DDC: variants seen among roughly 807,000 people sequenced by gnomAD.
DDC encodes aromatic-L-amino-acid decarboxylase.
In DDC, 43 loss-of-function variants were observed where a neutral mutation model predicts 60.0. The ratio of observed to expected loss-of-function variants is 0.72; its 90% confidence interval spans 0.56 to 0.92. The LOEUF is 0.92. Ranked by LOEUF, DDC falls within the 40% of genes least tolerant of loss-of-function variation. The probability of loss-of-function intolerance (pLI) is 0.00; values close to 1 mark genes in which losing one functional copy is unlikely to be tolerated. For missense variants in DDC, 573 were observed against 620.2 expected, an observed-to-expected ratio of 0.92 and a Z score of 0.81; for synonymous variants, 232 against 234.6, an observed-to-expected ratio of 0.99 and a Z score of 0.10.
At chr7:50,534,769 C>A (rs1478715860) in intron 4 of DDC, among the ~76,000 whole-genome samples, 1 of 152,206 alleles carries the variant, frequency 6.6e-6, no homozygotes, top group Admixed American at 6.5e-5. Flanking sequence ...AAAACCACGC[C>A]CTCTGCAGGC....
intron 14 of DDC, among the ~76,000 whole-genome samples, chr7:50,460,217 C>T (rs76276922): frequency 0.58 from 72,459 of 123,996 alleles, 22,062 homozygotes; most frequent in Admixed American, 0.69. Context: ...GCCAGCCGCC[C>T]CGTCCGGGAG....
At chr7:50,554,548 CT>C (rs772856180) in intron 1 of DDC, among the ~76,000 whole-genome samples, 164 of 152,350 alleles carry the variant, frequency 1.1e-3, no homozygotes, top group Non-Finnish European at 1.7e-3. Flanking sequence ...TCAAACTCAT[CT>C]GTTTACAAAC....
intron 1 of DDC, among the ~76,000 whole-genome samples, chr7:50,553,116 G>A (rs527790115): frequency 2.6e-5 from 4 of 152,256 alleles, no homozygotes; most frequent in Admixed American, 6.5e-5. Context: ...GTGCATGTGA[G>A]GTAGTGGATT....
chr7:50,459,222 G>C (rs1438501350), intron 14 of DDC, among the ~76,000 whole-genome samples: 1 of 152,262 alleles, frequency 6.6e-6, no homozygotes, highest in Non-Finnish European at 1.5e-5. Flanking sequence ...GCCTCCCGAG[G>C]TGCCGGGATT....
chr7:50,503,720 C>A (rs1014920534), intron 7 of DDC, among the ~76,000 whole-genome samples: 1 of 152,196 alleles, frequency 6.6e-6, no homozygotes, highest in African/African-American at 2.4e-5. Flanking sequence ...GCCAACATAA[C>A]CTGCAATTTT....
At chr7:50,499,872 C>T (rs11575385) in intron 7 of DDC, among the ~76,000 whole-genome samples, 1,534 of 152,286 alleles carry the variant, frequency 0.01, 13 homozygotes, top group Non-Finnish European at 0.016. Context: ...TTTGACAGAT[C>T]TGGGCTCAAC....
At chr7:50,529,082 T>C in intron 5 of DDC, 126 bp downstream of exon 5, 4 of 1,261,828 alleles carry the variant, frequency 3.2e-6, no homozygotes, top group Non-Finnish European at 4.6e-6. Flanking sequence ...TTCAGGTCTC[T>C]ATTTAGTGAT....
At chr7:50,464,178 C>A (rs1163517026) in intron 13 of DDC, among the ~76,000 whole-genome samples, 2 of 152,080 alleles carry the variant, frequency 1.3e-5, no homozygotes, top group Non-Finnish European at 2.9e-5. Context: ...TGGGACACTG[C>A]ATCCTAGTCA....
At chr7:50,538,007 C>A in intron 3 of DDC, 28 bp from the exon 4 acceptor site, 1 of 1,614,118 alleles carries the variant, frequency 6.2e-7, no homozygotes, top group Non-Finnish European at 8.5e-7. Flanking sequence ...AAGGGATTAA[C>A]CGAGGGCCAG....
At chr7:50,535,225 T>C (rs1220922895) in intron 4 of DDC, among the ~76,000 whole-genome samples, 1 of 152,108 alleles carries the variant, frequency 6.6e-6, no homozygotes, top group Non-Finnish European at 1.5e-5. Flanking sequence ...GGCAAGGTCT[T>C]GGCTCACGGC....
chr7:50,489,362 A>G (rs1241545712), intron 9 of DDC, among the ~76,000 whole-genome samples: 1 of 152,220 alleles, frequency 6.6e-6, no homozygotes, highest in African/African-American at 2.4e-5. Flanking sequence ...GAAATAGAAA[A>G]CTTATAACAC....
At chr7:50,481,683 C>T (rs548106116) in intron 9 of DDC, among the ~76,000 whole-genome samples, 28 of 152,318 alleles carry the variant, frequency 1.8e-4, no homozygotes, top group African/African-American at 6.7e-4. Context: ...CTCTCCCTGT[C>T]CCACACAAGA....
chr7:50,540,094 C>T, intron 2 of DDC, 66 bp from the exon 3 acceptor site: 1 of 1,261,408 alleles, frequency 7.9e-7, no homozygotes, highest in Non-Finnish European at 1.1e-6. Flanking sequence ...AGCGGGGGAC[C>T]CAGGTACCCC....
chr7:50,494,724 T>G (rs1168433729), intron 9 of DDC, among the ~76,000 whole-genome samples: 3 of 151,998 alleles, frequency 2.0e-5, no homozygotes, highest in Non-Finnish European at 2.9e-5. Flanking sequence ...TGCAGTGGCA[T>G]GATCTCGGCT....
At chr7:50,529,112 G>A in intron 5 of DDC, 96 bp downstream of exon 5, 2 of 1,528,630 alleles carry the variant, frequency 1.3e-6, no homozygotes, top group Non-Finnish European at 1.8e-6. Context: ...ACTGTTCTTA[G>A]ATTTGGAAGG....
chr7:50,465,190 T>A (rs11983581), intron 13 of DDC, among the ~76,000 whole-genome samples: 7,946 of 152,234 alleles, frequency 0.052, 478 homozygotes, highest in African/African-American at 0.15. Flanking sequence ...ATGTTGTATG[T>A]TTTCATTTAT....
At chr7:50,531,576 CT>C (rs2044209389) in intron 4 of DDC, among the ~76,000 whole-genome samples, 1 of 147,106 alleles carries the variant, frequency 6.8e-6, no homozygotes, top group Non-Finnish European at 1.5e-5. Flanking sequence ...TGGCTTTTCT[CT>C]GGGGGGGGAT....
chr7:50,459,263 A>G lies in DDC; in HGVS notation c.*19-420T>C, dbSNP rs1342831238. Among the ~76,000 whole-genome samples, 5 of 152,156 alleles carry G rather than the reference A, an allele frequency of 3.3e-5. No individual in the cohort carries two copies. In the East Asian group the frequency reaches 7.7e-4, roughly 24 times the overall value. On this transcript the variant is annotated intron_variant, in intron 14 of 14. Transcript: ENST00000444124. ...CGGAGTCTGGTTCACTCAGTGCTCA[A>G]TGGTGCCCAGGCTGGAGTGCAGTGG...
intron 1 of DDC, among the ~76,000 whole-genome samples, chr7:50,561,232 A>G (rs1436716552): frequency 1.3e-5 from 2 of 151,764 alleles, no homozygotes; most frequent in Admixed American, 1.3e-4. Flanking sequence ...GAGCCATCCT[A>G]GCAGGATGGA....
Sources: allele counts gnomAD v4.1 joint callset (sites outside exome capture counted in the v4.1 genomes callset), GRCh38; gene constraint gnomAD v4.1.1; transcripts MANE v1.5; gene names NCBI Gene and HGNC (gene_info 2026-07-23, HGNC 2026-07-21).